The following IL1RAPL1 variants were observed in gnomAD, a reference collection of about 807,000 sequenced individuals.
IL1RAPL1 encodes the protein interleukin-1 receptor accessory protein-like 1.
IL1RAPL1 carries 3 observed loss-of-function variants against 48.4 expected under a neutral mutation model. The ratio of observed to expected loss-of-function variants is 0.06; its 90% CI spans 0.03 to 0.16. IL1RAPL1 has a LOEUF of 0.16. Ranked by LOEUF, IL1RAPL1 falls within the 10% of genes least tolerant of loss-of-function variation. The pLI, the probability that IL1RAPL1 is intolerant of heterozygous loss-of-function variation, is 1.00. For missense variants in IL1RAPL1, 349 were observed against 530.6 expected (o/e 0.66, Z 3.36); for synonymous variants, 185 against 187.7 (o/e 0.99, Z 0.12).
At chrX:29,550,255 G>A (rs1921763292) in intron 5 of IL1RAPL1, among the ~76,000 whole-genome samples, 1 of 110,573 alleles carries the variant, frequency 9.0e-6, no homozygotes, top group Non-Finnish European at 1.9e-5. Context: ...GCAGTGGCGG[G>A]ATCTCGGCTC....
At chrX:29,646,642 T>C (rs914390972) in intron 5 of IL1RAPL1, among the ~76,000 whole-genome samples, 2 of 106,628 alleles carry the variant, frequency 1.9e-5, no homozygotes, top group Non-Finnish European at 3.9e-5. Flanking sequence ...CAGATTTAAA[T>C]AAAAGCCAAG....
intron 5 of IL1RAPL1, among the ~76,000 whole-genome samples, chrX:29,537,486 A>G (rs1921270550): frequency 9.1e-6 from 1 of 110,191 alleles, no homozygotes; most frequent in Non-Finnish European, 1.9e-5. Flanking sequence ...TAAAAGGATA[A>G]TAGAATAACA....
chrX:29,426,594 T>A (rs1242388940), intron 5 of IL1RAPL1, among the ~76,000 whole-genome samples: 1 of 111,933 alleles, frequency 8.9e-6, no homozygotes, highest in African/African-American at 3.2e-5. Flanking sequence ...TGACTTAGTT[T>A]CTTCATCTGA....
rs372920889 is a variant in IL1RAPL1, at chrX:29,448,705, A to G, written c.703+49397A>G. Among the ~76,000 whole-genome samples, 26 of 112,049 alleles carry G rather than the reference A, an allele frequency of 2.3e-4. No individual in the cohort carries two copies. In the East Asian group the frequency reaches 2.5e-3, roughly 11 times the overall value. On this transcript the variant is annotated intron_variant, in intron 5 of 10. Transcript: ENST00000378993. ...CAGCAGTCCTATATAGTAGTATAGA[A>G]CTTGTCATTTACAGATGTCCTAGCT...
chrX:29,699,143 A>T (rs1359042525), intron 6 of IL1RAPL1, among the ~76,000 whole-genome samples: 2 of 112,646 alleles, frequency 1.8e-5, no homozygotes, highest in African/African-American at 6.4e-5. Flanking sequence ...AGGATTTACA[A>T]TGAAAAGTCT....
chrX:29,057,059 C>T (rs900408993), intron 2 of IL1RAPL1, among the ~76,000 whole-genome samples: 20 of 111,735 alleles, frequency 1.8e-4, no homozygotes, highest in Non-Finnish European at 2.4e-4. Context: ...ATCCTCGCAG[C>T]GGTGTGCACT....
At chrX:28,631,011 A>G (rs1233392646) in intron 1 of IL1RAPL1, among the ~76,000 whole-genome samples, 3 of 112,102 alleles carry the variant, frequency 2.7e-5, no homozygotes, top group Admixed American at 9.5e-5. Flanking sequence ...ATGCAGGTTT[A>G]TATTGGGAAA....
intron 6 of IL1RAPL1, among the ~76,000 whole-genome samples, chrX:29,782,887 C>CTTTTTTTTTTTTT (rs1569167260): frequency 1.7e-5 from 1 of 59,856 alleles, no homozygotes; most frequent in African/African-American, 6.5e-5. Context: ...TTGATCGTGA[C>CTTTTTTTTTTTTT]ATTTTTTTTT....
intron 6 of IL1RAPL1, among the ~76,000 whole-genome samples, chrX:29,731,385 C>T (rs1927914062): frequency 8.9e-6 from 1 of 111,767 alleles, no homozygotes; most frequent in African/African-American, 3.3e-5. Context: ...TACATGTAGT[C>T]CCCTGCAGAA....
intron 5 of IL1RAPL1, among the ~76,000 whole-genome samples, chrX:29,627,134 A>T (rs1204824170): frequency 8.9e-6 from 1 of 112,029 alleles, no homozygotes; most frequent in East Asian, 2.8e-4. Flanking sequence ...GTGAATGTCT[A>T]GTTTGTTGGG....
rs1282735127 is a variant in IL1RAPL1 at position 28,822,436 on chromosome X, T to C, written c.82+33011T>C. On this transcript the variant is annotated intron_variant, in intron 2 of 10. Coordinates refer to ENST00000378993, the MANE Select transcript of IL1RAPL1 (RefSeq NM_014271.4). ...AAAATATTTGCTATCTGACCTTTTA[T>C]AGCAAAAGGTTGCCAACCCCTGTGT... is the stretch of plus-strand genomic sequence containing the variant. Among the ~76,000 whole-genome samples, 2 of 111,931 alleles carry C rather than the reference T, an allele frequency of 1.8e-5. 1 individual carries two copies. Among genetic ancestry groups the C allele is most frequent in the Non-Finnish European group, 3.8e-5 (2 of 53,073 alleles).
chrX:28,859,282 C>T (rs939846747), intron 2 of IL1RAPL1, among the ~76,000 whole-genome samples: 2 of 112,215 alleles, frequency 1.8e-5, no homozygotes, highest in South Asian at 3.7e-4. Context: ...TTGATTGAGA[C>T]GGAGTCTCAC....
chrX:29,833,299 C>G (rs997994541), intron 6 of IL1RAPL1, among the ~76,000 whole-genome samples: 1 of 111,446 alleles, frequency 9.0e-6, no homozygotes, highest in Non-Finnish European at 1.9e-5. Context: ...TTCTCTCTAC[C>G]TTGCTGCATT....
intron 2 of IL1RAPL1, among the ~76,000 whole-genome samples, chrX:28,831,878 T>C (rs1267252657): frequency 1.8e-5 from 2 of 111,589 alleles, no homozygotes; most frequent in Non-Finnish European, 3.8e-5. Flanking sequence ...TACTTTGTAC[T>C]TAACTTTTTA....
chrX:28,939,570 C>T (rs186286639), intron 2 of IL1RAPL1, among the ~76,000 whole-genome samples: 1 of 110,569 alleles, frequency 9.0e-6, no homozygotes, highest in East Asian at 2.9e-4. Context: ...AAAAAAATAA[C>T]GATTGTTTAC....
intron 8 of IL1RAPL1, among the ~76,000 whole-genome samples, chrX:29,936,518 AACACACACACACACACACAC>A (rs55890071): frequency 5.3e-5 from 5 of 93,472 alleles, no homozygotes; most frequent in African/African-American, 1.6e-4. Flanking sequence ...TATATATAGG[AACACACACACACACACACAC>A]ACACACACAC....
intron 2 of IL1RAPL1, among the ~76,000 whole-genome samples, chrX:28,966,593 T>C (rs1924926267): frequency 8.9e-6 from 1 of 112,035 alleles, no homozygotes; most frequent in Non-Finnish European, 1.9e-5. Flanking sequence ...TTAAAGCCTT[T>C]CATGGCCAGT....
chrX:29,265,628 C>A (rs1399033896), intron 2 of IL1RAPL1, among the ~76,000 whole-genome samples: 98 of 70,709 alleles, frequency 1.4e-3, no homozygotes, highest in African/African-American at 4.9e-3. Flanking sequence ...CCCCTCCCCC[C>A]ACCCCACAAC....
intron 5 of IL1RAPL1, among the ~76,000 whole-genome samples, chrX:29,449,468 G>C (rs1230789176): frequency 9.1e-6 from 1 of 110,219 alleles, no homozygotes; most frequent in Non-Finnish European, 1.9e-5. Context: ...ATGAGGTGTG[G>C]GTGTACTGTT....
Sources: allele counts gnomAD v4.1 joint callset (sites outside exome capture counted in the v4.1 genomes callset), GRCh38; gene constraint gnomAD v4.1.1; transcripts MANE v1.5; gene names NCBI Gene and HGNC (gene_info 2026-07-23, HGNC 2026-07-21).